The following RYR2 variants were observed in gnomAD, a reference collection of about 807,000 sequenced individuals.
RYR2 encodes cardiac muscle ryanodine receptor-calcium release channel.
RYR2 carries 227 observed loss-of-function variants against 601.1 expected under a neutral mutation model. The observed-to-expected ratio is 0.38, with a 90% CI of 0.34 to 0.42. The LOEUF (loss-of-function observed/expected upper bound fraction) is 0.42, where lower values mean the gene tolerates loss of function less well. Among genes scored for constraint, RYR2 ranks in the 10% least tolerant of loss-of-function variants. The pLI is 1.00. For missense variants in RYR2, 4,646 were observed against 6,156.5 expected, an observed-to-expected ratio of 0.75 and a Z score of 8.21; for synonymous variants, 2,223 against 2,175.1, an observed-to-expected ratio of 1.02 and a Z score of -0.61.
chr1:237,208,385 C>G (rs565735084), intron 1 of RYR2, among the ~76,000 whole-genome samples: 12 of 152,128 alleles, frequency 7.9e-5, no homozygotes, highest in Middle Eastern at 3.2e-3. Context: ...CTGAAGCATT[C>G]TATAGTCTAC....
At chr1:237,084,592 C>T (rs547760311) in intron 1 of RYR2, among the ~76,000 whole-genome samples, 1 of 152,236 alleles carries the variant, frequency 6.6e-6, no homozygotes, top group African/African-American at 2.4e-5. Context: ...TAGTTTGTGG[C>T]CCTCAGTCCC....
At chr1:237,624,963 A>G (rs28578561) in intron 39 of RYR2, among the ~76,000 whole-genome samples, 5 of 105,330 alleles carry the variant, frequency 4.7e-5, no homozygotes, top group East Asian at 2.6e-4. Flanking sequence ...ATTATACTAC[A>G]TGTGTGTGTA....
In RYR2 at chr1:237,320,917, C is replaced by CTGTG. The variant is rs758838364; in HGVS notation, c.169-9950_169-9947dup. ...TGGGGTATTCATGACTCCATTCTCT[C>CTGTG]TGTGTGTGTGTGTGATTTTTTTAGA... On this transcript the variant is annotated intron_variant, in intron 2 of 104. Transcript: ENST00000366574. 2.0e-5 allele frequency among the ~76,000 whole-genome samples: 3 copies of CTGTG among 150,462 alleles called. 1 individual carries two copies. Among genetic ancestry groups the CTGTG allele is most frequent in the South Asian group, 4.2e-4 (2 of 4,752 alleles).
At chr1:237,071,146 G>C (rs973220294) in intron 1 of RYR2, among the ~76,000 whole-genome samples, 6 of 152,242 alleles carry the variant, frequency 3.9e-5, no homozygotes, top group Admixed American at 3.9e-4. Flanking sequence ...ACTCTCATGA[G>C]ACCTGAAGTG....
intron 29 of RYR2, among the ~76,000 whole-genome samples, chr1:237,576,040 G>T (rs1209379052): frequency 6.6e-6 from 1 of 152,078 alleles, no homozygotes; most frequent in Non-Finnish European, 1.5e-5. Context: ...CTAACAGAAG[G>T]TATATAATAC....
intron 1 of RYR2, among the ~76,000 whole-genome samples, chr1:237,049,544 ATTC>A (rs386640755): frequency 8.8e-4 from 134 of 152,260 alleles, no homozygotes; most frequent in African/African-American, 2.8e-3. Flanking sequence ...GACTCAAACC[ATTC>A]TGCAGGATGA....
chr1:237,051,369 CG>C (rs1352651664), intron 1 of RYR2, among the ~76,000 whole-genome samples: 2 of 144,430 alleles, frequency 1.4e-5, no homozygotes, highest in East Asian at 2.1e-4. Flanking sequence ...CTTCTCTCCT[CG>C]GGGCTCATGA....
intron 58 of RYR2, among the ~76,000 whole-genome samples, chr1:237,673,790 G>A (rs549160929): frequency 3.9e-5 from 6 of 152,250 alleles, no homozygotes; most frequent in South Asian, 2.1e-4. Flanking sequence ...TGCTTTGAAC[G>A]CAGAAGAGAA....
chr1:237,557,643 G>C (rs1052678334), intron 27 of RYR2, among the ~76,000 whole-genome samples: 1 of 151,960 alleles, frequency 6.6e-6, no homozygotes, highest in African/African-American at 2.4e-5. Flanking sequence ...TGGAGATGAG[G>C]ACAGCAGTTT....
At chr1:237,487,612 A>G (rs7534841) in intron 17 of RYR2, among the ~76,000 whole-genome samples, 90,750 of 147,688 alleles carry the variant, frequency 0.61, 30,192 homozygotes, top group African/African-American at 0.89. Context: ...AGTCCCAGCC[A>G]CTCAGGAGGC....
intron 27 of RYR2, among the ~76,000 whole-genome samples, chr1:237,564,510 T>G (rs1322486308): frequency 1.3e-5 from 2 of 152,104 alleles, no homozygotes; most frequent in Non-Finnish European, 2.9e-5. Context: ...CCTCAAGTGA[T>G]TTGCCTGCCT....
intron 1 of RYR2, among the ~76,000 whole-genome samples, chr1:237,210,196 A>C (rs577590875): frequency 2.2e-4 from 33 of 151,082 alleles, no homozygotes; most frequent in Non-Finnish European, 3.5e-4. Context: ...TATCATTAGC[A>C]TTTTTATATC....
In RYR2 at chr1:237,680,514, C is replaced by A; in HGVS notation, c.8954C>A (p.Ala2985Glu). The A allele has an allele frequency of 6.2e-7, 1 of 1,603,264 alleles. No homozygotes were observed. The highest frequency in any genetic ancestry group is 8.5e-7 in the Non-Finnish European group (1 of 1,171,208). ...FKNHRLYFLS[A>E]ASRPLCSGGH... ...AACCATCGTTTATACTTCTTATCTG[C>A]AGCAAGCAGACCTCTCTGCTCTGGA... The change falls in exon 62 of 105, where the codon GCA becomes GAA. Residue 2985 changes from alanine (A) to glutamate (E), a missense_variant. Coordinates refer to ENST00000366574, the MANE Select transcript of RYR2 (RefSeq NM_001035.3).
intron 4 of RYR2, among the ~76,000 whole-genome samples, chr1:237,359,537 T>C (rs1441816078): frequency 6.6e-6 from 1 of 152,146 alleles, no homozygotes; most frequent in Non-Finnish European, 1.5e-5. Flanking sequence ...CAAACTTAAA[T>C]ATATATGAAA....
intron 92 of RYR2, among the ~76,000 whole-genome samples, chr1:237,791,022 A>G (rs2149377662): frequency 1.3e-5 from 2 of 151,710 alleles, no homozygotes; most frequent in South Asian, 4.2e-4. Context: ...CCTCTCTTTG[A>G]CACACTCTTT....
At chr1:237,104,580 C>T (rs1191613688) in intron 1 of RYR2, among the ~76,000 whole-genome samples, 2 of 152,068 alleles carry the variant, frequency 1.3e-5, no homozygotes, top group South Asian at 2.1e-4. Flanking sequence ...GCCTTTTTTT[C>T]TTTGCCCGGC....
intron 1 of RYR2, among the ~76,000 whole-genome samples, chr1:237,221,660 G>A (rs1032660871): frequency 3.9e-5 from 6 of 152,226 alleles, no homozygotes; most frequent in East Asian, 1.9e-4. Flanking sequence ...AGCTAAATTC[G>A]GAAGTCAAGT....
At position 237,511,805 on chromosome 1, in the gene RYR2, CT is replaced by C; in HGVS notation, c.2822+19del. On this transcript the variant is annotated intron_variant, in intron 24 of 104. Transcript: ENST00000366574. ...TGAGACCCTGAAGTGAGTTTCTTAA[CT>C]TTTTCTATTTTCCAACCTGCCTTCC... The C allele has an allele frequency of 1.5e-6, 1 of 658,880 alleles. No individual in the cohort carries two copies. The highest frequency in any genetic ancestry group is 2.2e-6 in the Non-Finnish European group (1 of 448,724). 40.8% of individuals were successfully genotyped at this position (658,880 alleles called of 1,614,324 possible). A position where few individuals can be genotyped will look rare whatever the true frequency, so the allele number is the denominator to read the frequency against.
chr1:237,478,310 C>A (rs1661633472), intron 17 of RYR2, among the ~76,000 whole-genome samples: 1 of 152,160 alleles, frequency 6.6e-6, no homozygotes, highest in African/African-American at 2.4e-5. Context: ...AGCTGTATGA[C>A]CTTGACCAAG....
Sources: allele counts gnomAD v4.1 joint callset (sites outside exome capture counted in the v4.1 genomes callset), GRCh38; gene constraint gnomAD v4.1.1; transcripts MANE v1.5; gene names NCBI Gene and HGNC (gene_info 2026-07-23, HGNC 2026-07-21).